EVA1C: variants seen among roughly 807,000 people sequenced by gnomAD.
EVA1C encodes protein eva-1 homolog C.
In EVA1C, 25 loss-of-function variants were observed where a neutral mutation model predicts 45.4. That is an observed-to-expected ratio of 0.55 (90% CI 0.40 to 0.77). EVA1C has a LOEUF of 0.77. Among genes scored for constraint, EVA1C ranks in the 30% least tolerant of loss-of-function variants. The pLI is 0.00. For synonymous variants in EVA1C, 190 were observed against 221.2 expected, an observed-to-expected ratio of 0.86 and a Z score of 1.25; for missense variants, 479 against 554.8, an observed-to-expected ratio of 0.86 and a Z score of 1.37.
intron 3 of EVA1C, among the ~76,000 whole-genome samples, chr21:32,460,925 T>C (rs1039588010): frequency 4.6e-5 from 7 of 152,160 alleles, no homozygotes; most frequent in Non-Finnish European, 8.8e-5. Flanking sequence ...TTTGTATTTT[T>C]AGTAGAGACA....
rs182960897 is a variant in EVA1C at position 32,419,452 on chromosome 21, C to G, written c.160+6439C>G. ...ACTGATGGCCGGGCACTGTGGCTCA[C>G]GCCTGTAATCCCAACACTTTGGGAG... On this transcript the variant is annotated intron_variant, in intron 1 of 7. Transcript: ENST00000300255. Among the ~76,000 whole-genome samples the G allele has an allele frequency of 1.0e-3, 155 of 152,324 alleles. 1 individual carries two copies. The highest frequency in any genetic ancestry group is 3.6e-3 in the African/African-American group (149 of 41,574).
At chr21:32,500,030 G>A (rs1002338210) in intron 5 of EVA1C, among the ~76,000 whole-genome samples, 7 of 152,038 alleles carry the variant, frequency 4.6e-5, no homozygotes, top group African/African-American at 1.7e-4. Flanking sequence ...CAGGGTCTTC[G>A]AATTCTTTCC....
rs114240577 is a variant in EVA1C, at chr21:32,446,490, A to C, written c.161-6822A>C. Among the ~76,000 whole-genome samples the C allele has an allele frequency of 2.9e-3, 441 of 152,338 alleles. 5 individuals are homozygous for C. Among genetic ancestry groups the C allele is most frequent in the African/African-American group, 8.9e-3 (368 of 41,572 alleles). Reference sequence around the variant, plus strand: ...ATTTGACTAGGAGGGAATCATTAACAAACAGCTGCATTAGTAGTTGTTCTT... The same window carrying C: ...ATTTGACTAGGAGGGAATCATTAACCAACAGCTGCATTAGTAGTTGTTCTT... On this transcript the variant is annotated intron_variant, in intron 1 of 7. Coordinates refer to ENST00000300255, the MANE Select transcript of EVA1C (RefSeq NM_058187.5).
intron 1 of EVA1C, among the ~76,000 whole-genome samples, chr21:32,437,510 G>A (rs961568239): frequency 2.0e-5 from 3 of 152,114 alleles, no homozygotes; most frequent in African/African-American, 7.2e-5. Context: ...AGTAGCTCCC[G>A]CATCCCTTCA....
At chr21:32,469,419 G>C (rs1338445515) in intron 4 of EVA1C, among the ~76,000 whole-genome samples, 1 of 152,170 alleles carries the variant, frequency 6.6e-6, no homozygotes, top group Non-Finnish European at 1.5e-5. Context: ...GAGAAGAGTG[G>C]ACGCAACGCC....
intron 1 of EVA1C, among the ~76,000 whole-genome samples, chr21:32,422,041 T>C (rs1383148183): frequency 3.5e-5 from 2 of 56,768 alleles, no homozygotes; most frequent in Admixed American, 2.1e-4. Context: ...CAAGACCCTG[T>C]CTCAAAAAAA....
chr21:32,458,148 C>T (rs899650400), intron 3 of EVA1C, among the ~76,000 whole-genome samples: 9 of 152,144 alleles, frequency 5.9e-5, no homozygotes, highest in East Asian at 1.9e-4. Context: ...TTGCCACCTG[C>T]GCCCACTGCT....
At chr21:32,479,170 C>T (rs959889050) in intron 4 of EVA1C, among the ~76,000 whole-genome samples, 7 of 152,218 alleles carry the variant, frequency 4.6e-5, no homozygotes, top group African/African-American at 1.7e-4. Context: ...CCTGTAATCC[C>T]AACACTTTGG....
intron 4 of EVA1C, among the ~76,000 whole-genome samples, chr21:32,468,396 A>AAC (rs1239312466): frequency 1.3e-5 from 2 of 150,970 alleles, no homozygotes; most frequent in Admixed American, 1.3e-4. Flanking sequence ...ACAAACAAAA[A>AAC]AACAAAACAA....
chr21:32,424,538 T>C (rs1568862344), intron 1 of EVA1C, among the ~76,000 whole-genome samples: 1 of 152,212 alleles, frequency 6.6e-6, no homozygotes, highest in African/African-American at 2.4e-5. Flanking sequence ...AATTAAGGGA[T>C]TGTCATTTTA....
chr21:32,510,952 ATTGT>A (rs1387461414), intron 7 of EVA1C, among the ~76,000 whole-genome samples: 3 of 152,100 alleles, frequency 2.0e-5, no homozygotes, highest in South Asian at 2.1e-4. Flanking sequence ...AGGTGAGAAG[ATTGT>A]TTGAGCCCAG....
At position 32,432,823 on chromosome 21, in the gene EVA1C, C is replaced by G. The variant is rs140729040; in HGVS notation, c.160+19810C>G. Among the ~76,000 whole-genome samples the G allele has an allele frequency of 4.6e-5, 7 of 152,254 alleles. No homozygotes were observed. In the East Asian group the frequency reaches 1.2e-3, roughly 25 times the overall value. On this transcript the variant is annotated intron_variant, in intron 1 of 7. Coordinates refer to ENST00000300255, the MANE Select transcript of EVA1C (RefSeq NM_058187.5). Reference sequence around the variant, plus strand: ...GCAGCCTTGACCTCCTGGGCTCAAGCGATCCTCCTGCCTTAGCCTCCTGAG... The same window carrying G: ...GCAGCCTTGACCTCCTGGGCTCAAGGGATCCTCCTGCCTTAGCCTCCTGAG...
chr21:32,475,501 A>T (rs950493354), intron 4 of EVA1C, among the ~76,000 whole-genome samples: 5 of 144,342 alleles, frequency 3.5e-5, no homozygotes, highest in Non-Finnish European at 6.0e-5. Flanking sequence ...CTCCAAGTCG[A>T]GTATGAGCTG....
intron 4 of EVA1C, among the ~76,000 whole-genome samples, chr21:32,492,282 TGGGATG>T (rs2037186037): frequency 6.6e-6 from 1 of 151,748 alleles, no homozygotes; most frequent in Non-Finnish European, 1.5e-5. Flanking sequence ...ATCTCTTGGA[TGGGATG>T]GTGATAAGTC....
intron 1 of EVA1C, among the ~76,000 whole-genome samples, chr21:32,433,869 G>A (rs1242313274): frequency 1.9e-5 from 1 of 52,580 alleles, no homozygotes; most frequent in Non-Finnish European, 3.2e-5. Context: ...TTATGGAAAG[G>A]GGAAATTGGC....
chr21:32,458,763 G>A (rs933406629), intron 3 of EVA1C, among the ~76,000 whole-genome samples: 3 of 152,240 alleles, frequency 2.0e-5, no homozygotes, highest in South Asian at 2.1e-4. Flanking sequence ...TTACAGGCAT[G>A]AGCCACCACG....
intron 1 of EVA1C, among the ~76,000 whole-genome samples, chr21:32,423,449 G>A (rs1362640757): frequency 1.3e-5 from 2 of 152,140 alleles, no homozygotes; most frequent in African/African-American, 4.8e-5. Flanking sequence ...CCTTCCCTGG[G>A]GAAGCTTGCT....
At chr21:32,416,896 T>C (rs966628751) in intron 1 of EVA1C, among the ~76,000 whole-genome samples, 6 of 152,184 alleles carry the variant, frequency 3.9e-5, no homozygotes, top group Non-Finnish European at 7.3e-5. Flanking sequence ...GGGGCAGTCT[T>C]TAAGGCCTTC....
At chr21:32,506,413 G>A (rs975300076) in intron 7 of EVA1C, among the ~76,000 whole-genome samples, 1 of 151,456 alleles carries the variant, frequency 6.6e-6, no homozygotes, top group Non-Finnish European at 1.5e-5. Context: ...GACTTGATGA[G>A]CTGTTATTTG....
Sources: allele counts gnomAD v4.1 joint callset (sites outside exome capture counted in the v4.1 genomes callset), GRCh38; gene constraint gnomAD v4.1.1; transcripts MANE v1.5; gene names NCBI Gene and HGNC (gene_info 2026-07-23, HGNC 2026-07-21).